CD83: variants seen among roughly 807,000 people sequenced by gnomAD.
The protein encoded by CD83 is CD83 molecule.
In CD83, 22 loss-of-function variants were observed where a neutral mutation model predicts 24.6. The observed-to-expected ratio is 0.90, with a 90% confidence interval of 0.64 to 1.28. CD83 has a LOEUF of 1.28. Among genes scored for constraint, CD83 ranks in the 50% most tolerant of loss-of-function variants. CD83 has a pLI of 0.00. For missense variants in CD83, 253 were observed against 252.8 expected (o/e 1.00, Z -0.01); for synonymous variants, 101 against 103.5 (o/e 0.98, Z 0.14).
chr6:14,131,420 A>C (rs1757896584), intron 2 of CD83, 100 bp from the exon 3 acceptor site: 1 of 828,222 alleles, frequency 1.2e-6, no homozygotes, highest in Non-Finnish European at 2.0e-6. Context: ...TTTTACAAAC[A>C]TAAGTTGAGG....
chr6:14,131,790 A>G (rs1310578738), intron 3 of CD83, 42 bp downstream of exon 3: 5 of 1,329,540 alleles, frequency 3.8e-6, no homozygotes, highest in Admixed American at 1.7e-5. Flanking sequence ...TGAACAATGC[A>G]TGTGTACTTC....
At chr6:14,120,033 C>G (rs779054057) in intron 2 of CD83, among the ~76,000 whole-genome samples, 6 of 152,274 alleles carry the variant, frequency 3.9e-5, no homozygotes, top group Non-Finnish European at 7.4e-5. Flanking sequence ...CCCCCAAGGT[C>G]TTTGAAAGCT....
intron 2 of CD83, among the ~76,000 whole-genome samples, chr6:14,119,557 T>C (rs1759624319): frequency 6.6e-6 from 1 of 152,192 alleles, no homozygotes; most frequent in Non-Finnish European, 1.5e-5. Flanking sequence ...AAATAACTTG[T>C]CCACTTTTGC....
chr6:14,131,181 C>G (rs1048423846), intron 2 of CD83, among the ~76,000 whole-genome samples: 2 of 152,290 alleles, frequency 1.3e-5, no homozygotes, highest in East Asian at 3.9e-4. Context: ...CAGAACAGTC[C>G]TATCTATACA....
At position 14,129,385 on chromosome 6, in the gene CD83, C is replaced by T. The variant is rs11758033; in HGVS notation, c.154-2135C>T. Among the ~76,000 whole-genome samples the T allele has an allele frequency of 0.12, 17,999 of 152,074 alleles. 1,418 individuals are homozygous for T. Among genetic ancestry groups the T allele is most frequent in the Admixed American group, 0.19 (2,912 of 15,278 alleles). On this transcript the variant is annotated intron_variant, in intron 2 of 4. Transcript: ENST00000379153. The surrounding 1 kb of genome is among the most constrained non-coding windows in gnomAD (Gnocchi z 4.3). ...AGAGGCAAGCAGTGTGAGCCCATGA[C>T]GAGGCTTCAGTTTATGGTTTACTTA...
upstream of CD83, chr6:14,117,343 C>A (rs866028071): frequency 1.3e-5 from 2 of 152,198 alleles, no homozygotes. This position sits in a 1 kb window ranked among gnomAD's most constrained non-coding sequence, Gnocchi z 4.6. Context: ...AAGTTGCCCA[C>A]CCTCTCGGAA....
chr6:14,135,182 C>T lies in CD83; in HGVS notation c.564C>T (p.Thr188=), dbSNP rs1415963987. ...AGMERAFLPV[T]SPNKHLGLVT... is the part of the protein sequence containing the mutation. ...TGGAACGAGCTTTTCTCCCAGTTAC[C>T]TCCCCAAATAAGCATTTAGGGCTAG... The change falls in exon 5 of 5, where the codon ACC becomes ACT. Residue 188 remains threonine (T), a synonymous_variant. Coordinates refer to ENST00000379153, the MANE Select transcript of CD83 (RefSeq NM_004233.4). 6.2e-7 allele frequency: 1 copy of T among 1,613,830 alleles called. No individual in the cohort carries two copies. Among genetic ancestry groups the T allele is most frequent in the African/African-American group, 1.3e-5 (1 of 74,910 alleles).
intron 3 of CD83, among the ~76,000 whole-genome samples, chr6:14,132,638 G>A (rs1467309127): frequency 3.3e-5 from 5 of 152,196 alleles, no homozygotes; most frequent in Admixed American, 3.3e-4. Context: ...GCGTTAAAAT[G>A]CTGAGTGTAG....
chr6:14,122,539 G>T (rs1040763577), intron 2 of CD83, among the ~76,000 whole-genome samples: 2 of 152,046 alleles, frequency 1.3e-5, no homozygotes, highest in Non-Finnish European at 2.9e-5. Flanking sequence ...GAATGATTCT[G>T]TTGTAAGGTG....
At chr6:14,120,724 G>A (rs954519045) in intron 2 of CD83, among the ~76,000 whole-genome samples, 9 of 152,150 alleles carry the variant, frequency 5.9e-5, no homozygotes, top group Non-Finnish European at 5.9e-5. Flanking sequence ...TCAATCCTCC[G>A]GCACCATGTA....
chr6:14,122,438 G>A (rs750772587), intron 2 of CD83, among the ~76,000 whole-genome samples: 15 of 152,148 alleles, frequency 9.9e-5, no homozygotes, highest in African/African-American at 1.7e-4. Flanking sequence ...GTTGATAAGC[G>A]GTTGGGGCAG....
chr6:14,131,652 A>T lies in CD83; in HGVS notation c.286A>T (p.Asn96Tyr). ...AAGGCCCTATTCCCTGAAGATCCGA[A>T]ACACTACCAGCTGCAACTCGGGGAC... Reference protein sequence around the residue: ...NERPYSLKIRNTTSCNSGTYR... With the variant: ...NERPYSLKIRYTTSCNSGTYR... The change falls in exon 3 of 5, where the codon AAC (asparagine) becomes TAC (tyrosine). Residue 96 changes from asparagine (N) to tyrosine (Y), a missense_variant. Physicochemically the swap from Asn to Tyr is moderately radical, Grantham distance 143. Coordinates refer to ENST00000379153, the MANE Select transcript of CD83 (RefSeq NM_004233.4). The T allele has an allele frequency of 6.2e-7, 1 of 1,614,088 alleles. No homozygotes were observed. Among genetic ancestry groups the T allele is most frequent in the Non-Finnish European group, 8.5e-7 (1 of 1,180,014 alleles).
chr6:14,125,310 A>G (rs1345416242), intron 2 of CD83, among the ~76,000 whole-genome samples: 1 of 152,256 alleles, frequency 6.6e-6, no homozygotes, highest in African/African-American at 2.4e-5. Context: ...CTTCCTTTAC[A>G]TTGGTTCTGT....
intron 2 of CD83, among the ~76,000 whole-genome samples, chr6:14,128,818 A>C (rs1297771294): frequency 6.6e-6 from 1 of 152,182 alleles, no homozygotes; most frequent in African/African-American, 2.4e-5. Flanking sequence ...GTTTTGCCAG[A>C]GGCCCTTGGA....
intron 2 of CD83, among the ~76,000 whole-genome samples, chr6:14,130,782 G>T (rs1425770397): frequency 6.6e-6 from 1 of 152,166 alleles, no homozygotes; most frequent in African/African-American, 2.4e-5. Context: ...GCTAAATTGG[G>T]CATCTCCCCA....
rs1311931064 is a variant in CD83, at chr6:14,136,889, A to T, written c.*1653A>T. ...AACATATACAAATAAAAAAATCCCG[A>T]CTTTGGGATGAGTGCTAGGATGTTG... On this transcript the variant is annotated 3_prime_UTR_variant, in exon 5 of 5. Transcript: ENST00000379153. The T allele has an allele frequency of 1.3e-5, 2 of 152,172 alleles. No homozygotes were observed. The highest frequency in any genetic ancestry group is 2.9e-5 in the Non-Finnish European group (2 of 68,018). The allele number at this position is 152,172 out of a possible 1,614,324, so 9.4% of individuals were successfully genotyped here. A position where few individuals can be genotyped will look rare whatever the true frequency, so the allele number is the denominator to read the frequency against.
At chr6:14,134,450 C>T (rs139263139) in intron 4 of CD83, among the ~76,000 whole-genome samples, 563 of 152,270 alleles carry the variant, frequency 3.7e-3, no homozygotes, top group Admixed American at 6.5e-3. Context: ...GTGTGTCTGA[C>T]CCCTCTAGGA....
At chr6:14,121,560 A>C (rs577324596) in intron 2 of CD83, among the ~76,000 whole-genome samples, 63 of 143,596 alleles carry the variant, frequency 4.4e-4, no homozygotes, top group African/African-American at 1.6e-3. Flanking sequence ...TGGGAGGATC[A>C]CTTGAGCCCA....
chr6:14,135,069 T>A (rs1758014897), intron 4 of CD83, 39 bp from the exon 5 acceptor site: 2 of 1,608,418 alleles, frequency 1.2e-6, no homozygotes, highest in Admixed American at 1.7e-5. Flanking sequence ...GCTGAATTTT[T>A]CCAATTATTC....
Sources: allele counts gnomAD v4.1 joint callset (sites outside exome capture counted in the v4.1 genomes callset), GRCh38; gene constraint gnomAD v4.1.1; non-coding constraint Gnocchi (gnomAD v3.1); transcripts MANE v1.5; gene names NCBI Gene and HGNC (gene_info 2026-07-23, HGNC 2026-07-21).